Variants in GABRG3 observed in about 807,000 individuals in gnomAD.
GABRG3 encodes gamma-aminobutyric acid type A receptor subunit gamma3, also known as gamma-aminobutyric acid receptor subunit gamma-3.
In GABRG3, 25 loss-of-function variants were observed where a neutral mutation model predicts 48.8. That is an observed-to-expected ratio of 0.51 (90% CI 0.37 to 0.72). The LOEUF (loss-of-function observed/expected upper bound fraction) is 0.72, where lower values mean the gene tolerates loss of function less well. Among genes scored for constraint, GABRG3 ranks in the 30% least tolerant of loss-of-function variants. The probability of loss-of-function intolerance (pLI) is 0.00; values close to 1 mark genes in which losing one functional copy is unlikely to be tolerated. For missense variants in GABRG3, 394 were observed against 577.9 expected, an observed-to-expected ratio of 0.68 and a Z score of 3.26; for synonymous variants, 227 against 217.6, an observed-to-expected ratio of 1.04 and a Z score of -0.38.
chr15:27,303,601 A>G (rs772455925), intron 3 of GABRG3, among the ~76,000 whole-genome samples: 24 of 151,854 alleles, frequency 1.6e-4, no homozygotes, highest in Non-Finnish European at 2.1e-4. Context: ...AGAAAAGGAA[A>G]CGTATCCCAA....
At chr15:27,374,603 C>G (rs149884325) in intron 5 of GABRG3, among the ~76,000 whole-genome samples, 1 of 152,156 alleles carries the variant, frequency 6.6e-6, no homozygotes, top group African/African-American at 2.4e-5. Context: ...AGAGCAGAAC[C>G]TGTAGCAAGC....
chr15:27,151,989 G>A (rs1024992148), intron 3 of GABRG3, among the ~76,000 whole-genome samples: 1 of 152,104 alleles, frequency 6.6e-6, no homozygotes, highest in African/African-American at 2.4e-5. Context: ...TTTTCATACA[G>A]CAAATTTTTT....
chr15:27,002,237 G>A lies in GABRG3; in HGVS notation c.203-24517G>A, dbSNP rs372333599. 2.0e-5 allele frequency among the ~76,000 whole-genome samples: 3 copies of A among 152,146 alleles called. No homozygotes were observed. In the East Asian group the frequency reaches 5.8e-4, roughly 29 times the overall value. On this transcript the variant is annotated intron_variant, in intron 2 of 9. Coordinates refer to ENST00000615808, the MANE Select transcript of GABRG3 (RefSeq NM_033223.5). ...CTGCTGACTGAACTCGCACTCGAAGGACACACAGTAGTGTTTTCTGTCAGG... is the reference window on the plus strand; with the variant it reads ...CTGCTGACTGAACTCGCACTCGAAGAACACACAGTAGTGTTTTCTGTCAGG...
intron 3 of GABRG3, among the ~76,000 whole-genome samples, chr15:27,242,141 G>T (rs1361742236): frequency 6.6e-6 from 1 of 152,200 alleles, no homozygotes; most frequent in Non-Finnish European, 1.5e-5. Flanking sequence ...CAAACAGCAG[G>T]AATGAGGAAG....
chr15:27,014,061 A>G (rs1043738765), intron 2 of GABRG3, among the ~76,000 whole-genome samples: 1 of 152,126 alleles, frequency 6.6e-6, no homozygotes, highest in Non-Finnish European at 1.5e-5. Flanking sequence ...TTTTTGGTGT[A>G]TAAGTCCTTT....
Position 27,153,808 on chromosome 15 carries a change from A to G in GABRG3, c.270+126987A>G, listed in dbSNP as rs181859826. ...GTTGTGTACTTATTTAGAGTCCCTT[A>G]TATTAATTGTAGCTATTTTAAATTC... On this transcript the variant is annotated intron_variant, in intron 3 of 9. Transcript: ENST00000615808. 2.1e-3 allele frequency among the ~76,000 whole-genome samples: 327 copies of G among 152,140 alleles called. 1 individual carries two copies. The highest frequency in any genetic ancestry group is 3.7e-3 in the Non-Finnish European group (251 of 67,994).
At chr15:27,121,184 T>G (rs574336653) in intron 3 of GABRG3, among the ~76,000 whole-genome samples, 1 of 152,258 alleles carries the variant, frequency 6.6e-6, no homozygotes, top group Admixed American at 6.5e-5. Flanking sequence ...GGGAACCAGG[T>G]AAGGAATCAA....
At chr15:27,348,098 G>A (rs890939400) in intron 5 of GABRG3, among the ~76,000 whole-genome samples, 9 of 142,898 alleles carry the variant, frequency 6.3e-5, no homozygotes, top group Admixed American at 1.5e-4. Flanking sequence ...GGAGGTCACA[G>A]TGAGCCGAGA....
chr15:27,096,811 A>G (rs1216380960), intron 3 of GABRG3, among the ~76,000 whole-genome samples: 1 of 151,062 alleles, frequency 6.6e-6, no homozygotes, highest in African/African-American at 2.4e-5. Context: ...GAACCACACA[A>G]ATGAGATTCT....
intron 9 of GABRG3, among the ~76,000 whole-genome samples, chr15:27,528,628 T>A (rs754705674): frequency 1.1e-4 from 17 of 152,224 alleles, no homozygotes; most frequent in Non-Finnish European, 2.2e-4. Context: ...TCCCGAACTT[T>A]CCCTGCATTC....
chr15:27,174,874 CCT>C (rs1198319342), intron 3 of GABRG3, among the ~76,000 whole-genome samples: 1 of 152,116 alleles, frequency 6.6e-6, no homozygotes, highest in Non-Finnish European at 1.5e-5. Context: ...GGACTCTGCC[CCT>C]CTCAGAGGGG....
chr15:27,317,250 GT>G (rs1219997489), intron 3 of GABRG3, among the ~76,000 whole-genome samples: 2 of 152,108 alleles, frequency 1.3e-5, no homozygotes, highest in Non-Finnish European at 2.9e-5. Context: ...CCTCCCCAGG[GT>G]GCCATCTCCC....
At chr15:27,336,189 GA>G (rs1228964401) in intron 5 of GABRG3, among the ~76,000 whole-genome samples, 1 of 132,944 alleles carries the variant, frequency 7.5e-6, no homozygotes, top group Non-Finnish European at 1.5e-5. Context: ...GAGTCAGTAT[GA>G]AAAGAAAGAA....
chr15:27,048,299 C>T (rs1257104743), intron 3 of GABRG3, among the ~76,000 whole-genome samples: 1 of 150,240 alleles, frequency 6.7e-6, no homozygotes, highest in Non-Finnish European at 1.5e-5. Flanking sequence ...AGCCCACCCT[C>T]TGATCCAGAA....
intron 3 of GABRG3, among the ~76,000 whole-genome samples, chr15:27,142,611 C>T (rs1898125420): frequency 6.6e-6 from 1 of 152,144 alleles, no homozygotes; most frequent in Admixed American, 6.5e-5. Flanking sequence ...AGAGCCAAAC[C>T]ATGGACACTT....
intron 6 of GABRG3, among the ~76,000 whole-genome samples, chr15:27,518,195 C>CAAAAAAAAAAAAAA (rs58222645): frequency 8.7e-4 from 77 of 88,012 alleles, no homozygotes; most frequent in African/African-American, 3.1e-3. Flanking sequence ...ACTAAAAATA[C>CAAAAAAAAAAAAAA]AAAAAAAAAA....
intron 2 of GABRG3, among the ~76,000 whole-genome samples, chr15:27,022,313 A>T (rs1483577163): frequency 6.6e-6 from 1 of 152,194 alleles, no homozygotes; most frequent in African/African-American, 2.4e-5. Flanking sequence ...TCTTCTTCTT[A>T]TGAATCATGC....
At chr15:27,285,724 A>G (rs1457600310) in intron 3 of GABRG3, among the ~76,000 whole-genome samples, 2 of 152,128 alleles carry the variant, frequency 1.3e-5, no homozygotes, top group Non-Finnish European at 2.9e-5. Flanking sequence ...GTTTCTGACT[A>G]CAGAATCTTT....
intron 5 of GABRG3, among the ~76,000 whole-genome samples, chr15:27,460,630 G>A (rs1476115454): frequency 6.6e-6 from 1 of 152,200 alleles, no homozygotes; most frequent in Non-Finnish European, 1.5e-5. Flanking sequence ...TGAAGCAGAA[G>A]CTTACAGGTC....
Sources: gnomAD v4.1 joint callset for allele counts (sites outside exome capture counted in the v4.1 genomes callset) on GRCh38, gnomAD v4.1.1 for gene constraint, MANE v1.5 for transcripts, NCBI Gene and HGNC (gene_info 2026-07-23, HGNC 2026-07-21) for gene names.